KLF17: variants seen among roughly 807,000 people sequenced by gnomAD.
KLF17 encodes the protein KLF transcription factor 17.
KLF17 carries 31 observed loss-of-function variants against 34.2 expected under a neutral mutation model. The observed-to-expected ratio is 0.91, with a 90% CI of 0.68 to 1.22. The LOEUF (loss-of-function observed/expected upper bound fraction) is 1.22. Ranked by LOEUF, KLF17 falls within the 50% of genes most tolerant of loss-of-function variation. The probability of loss-of-function intolerance (pLI) is 0.00; values close to 1 mark genes in which losing one functional copy is unlikely to be tolerated. For synonymous variants in KLF17, 179 were observed against 186.7 expected, an observed-to-expected ratio of 0.96 and a Z score of 0.34; for missense variants, 478 against 505.2, an observed-to-expected ratio of 0.95 and a Z score of 0.52.
chr1:44,084,926 T>TA, the KLF17 span, among the ~76,000 whole-genome samples: 4,757 of 112,812 alleles, frequency 0.042, 84 homozygotes, highest in South Asian at 0.053. Context: ...AAATAAAAAT[T>TA]AGAAAAAAAA....
At chr1:44,084,695 A>AT in the KLF17 span, among the ~76,000 whole-genome samples, 2 of 138,078 alleles carry the variant, frequency 1.4e-5, no homozygotes, top group Non-Finnish European at 3.2e-5. Context: ...AAAAAAAAAA[A>AT]GTTTTTGATT....
the KLF17 span, among the ~76,000 whole-genome samples, chr1:44,062,644 A>T: frequency 6.6e-6 from 1 of 151,186 alleles, no homozygotes; most frequent in Admixed American, 6.6e-5. Flanking sequence ...GGAGGCCAGG[A>T]GTTCGAGGCC....
the KLF17 span, among the ~76,000 whole-genome samples, chr1:44,099,050 A>G: frequency 6.6e-6 from 1 of 152,114 alleles, no homozygotes; most frequent in Non-Finnish European, 1.5e-5. Context: ...TGTTACATGA[A>G]AAAAGCAAAG....
chr1:44,129,240 T>C, intron 1 of KLF17, 113 bp from the exon 2 acceptor site: 1 of 1,299,852 alleles, frequency 7.7e-7, no homozygotes, highest in Non-Finnish European at 1.0e-6. Flanking sequence ...GGCAGGATAA[T>C]TCAAGCAAGA....
At chr1:44,128,209 G>A (rs937088540) in intron 1 of KLF17, among the ~76,000 whole-genome samples, 9 of 151,994 alleles carry the variant, frequency 5.9e-5, no homozygotes, top group African/African-American at 2.2e-4. Flanking sequence ...AGCCTCCCAA[G>A]TAGCTGGGAC....
At chr1:44,058,354 G>A in the KLF17 span, among the ~76,000 whole-genome samples, 2 of 152,022 alleles carry the variant, frequency 1.3e-5, no homozygotes, top group Non-Finnish European at 1.5e-5. Flanking sequence ...GCAGTGGCAC[G>A]ATCTCGGCTC....
At chr1:44,080,757 C>T in the KLF17 span, among the ~76,000 whole-genome samples, 2 of 139,136 alleles carry the variant, frequency 1.4e-5, no homozygotes, top group Non-Finnish European at 3.0e-5. Flanking sequence ...TTCTGTTACC[C>T]AGGCTGGAGT....
At chr1:44,047,795 G>C in the KLF17 span, among the ~76,000 whole-genome samples, 1 of 152,170 alleles carries the variant, frequency 6.6e-6, no homozygotes, top group South Asian at 2.1e-4. Context: ...ATAGGGAAGA[G>C]GAAGAATCCC....
At chr1:44,070,651 T>G in the KLF17 span, among the ~76,000 whole-genome samples, 1 of 132,346 alleles carries the variant, frequency 7.6e-6, no homozygotes, top group South Asian at 2.5e-4. Context: ...CAGGCTGGAG[T>G]GCAGGGGCAT....
At chr1:44,078,657 C>G in the KLF17 span, among the ~76,000 whole-genome samples, 1 of 152,106 alleles carries the variant, frequency 6.6e-6, no homozygotes. Context: ...AGGATGGTCT[C>G]AATCTCCTGA....
chr1:44,132,733 C>T (rs1478559926), intron 3 of KLF17, among the ~76,000 whole-genome samples: 2 of 152,214 alleles, frequency 1.3e-5, no homozygotes, highest in South Asian at 2.1e-4. Context: ...CTTCTCCTCC[C>T]ACCTTCCTTA....
At chr1:44,049,840 C>G in the KLF17 span, among the ~76,000 whole-genome samples, 1 of 152,214 alleles carries the variant, frequency 6.6e-6, no homozygotes, top group Non-Finnish European at 1.5e-5. Context: ...GTAGCATGTT[C>G]ATTTCCATTG....
At chr1:44,102,626 GAA>G in the KLF17 span, among the ~76,000 whole-genome samples, 23 of 83,708 alleles carry the variant, frequency 2.7e-4, no homozygotes, top group South Asian at 9.1e-4. Context: ...AAAAGAAAAA[GAA>G]AAAGAAAGAA....
chr1:44,097,472 C>T, the KLF17 span, among the ~76,000 whole-genome samples: 4 of 152,136 alleles, frequency 2.6e-5, no homozygotes, highest in Middle Eastern at 3.4e-3. Flanking sequence ...GCCATTTTCA[C>T]GATATTGATT....
the KLF17 span, among the ~76,000 whole-genome samples, chr1:44,086,559 A>C: frequency 6.6e-6 from 1 of 152,316 alleles, no homozygotes; most frequent in South Asian, 2.1e-4. Flanking sequence ...GGAATAAGAA[A>C]AAGCTTAGCC....
At chr1:44,067,184 T>C in the KLF17 span, among the ~76,000 whole-genome samples, 1 of 149,438 alleles carries the variant, frequency 6.7e-6, no homozygotes, top group Non-Finnish European at 1.5e-5. Context: ...GAAGTCCCCT[T>C]CTAGGTCAGA....
At chr1:44,116,304 C>G (rs986071336), upstream of KLF17, among the ~76,000 whole-genome samples, 2 of 152,136 alleles carry the variant, frequency 1.3e-5, no homozygotes, top group African/African-American at 4.8e-5. Context: ...TACATAAGAG[C>G]CTTCTTACCC....
At position 44,128,676 on chromosome 1, in the gene KLF17, T is replaced by A. The variant is rs546053331; in HGVS notation, c.82-677T>A. ...CATCTCTGTGGCTTTCTGCACCCGTTCTGCTGGTTTGGGATGTTCTTTCAC... is the reference window on the plus strand; with the variant it reads ...CATCTCTGTGGCTTTCTGCACCCGTACTGCTGGTTTGGGATGTTCTTTCAC... On this transcript the variant is annotated intron_variant, in intron 1 of 3. Coordinates refer to ENST00000372299, the MANE Select transcript of KLF17 (RefSeq NM_173484.4). Among the ~76,000 whole-genome samples the A allele has an allele frequency of 3.3e-5, 5 of 152,302 alleles. No individual in the cohort carries two copies. In the South Asian group the frequency reaches 6.2e-4, roughly 19 times the overall value.
At chr1:44,091,341 G>A in the KLF17 span, among the ~76,000 whole-genome samples, 38 of 152,104 alleles carry the variant, frequency 2.5e-4, no homozygotes, top group East Asian at 2.9e-3. Context: ...AATATCACAT[G>A]TCCTGTAGCT....
Sources: gnomAD v4.1 joint callset for allele counts (sites outside exome capture counted in the v4.1 genomes callset) on GRCh38, gnomAD v4.1.1 for gene constraint, MANE v1.5 for transcripts, NCBI Gene and HGNC (gene_info 2026-07-23, HGNC 2026-07-21) for gene names.